The following NBEA variants were observed in gnomAD, a reference collection of about 807,000 sequenced individuals.
The protein encoded by NBEA is lysosomal-trafficking regulator 2.
NBEA carries 44 observed loss-of-function variants against 343.4 expected under a neutral mutation model. That is an observed-to-expected ratio of 0.13 (90% confidence interval 0.10 to 0.16). The LOEUF is 0.16. Among genes scored for constraint, NBEA ranks in the 10% least tolerant of loss-of-function variants. NBEA has a pLI of 1.00. For missense variants in NBEA, 2,555 were observed against 3,631.3 expected, an observed-to-expected ratio of 0.70 and a Z score of 7.62; for synonymous variants, 1,175 against 1,238.7, an observed-to-expected ratio of 0.95 and a Z score of 1.08.
chr13:35,314,187 A>G (rs2037559804), intron 36 of NBEA, among the ~76,000 whole-genome samples: 3 of 152,110 alleles, frequency 2.0e-5, no homozygotes, highest in African/African-American at 7.2e-5. Flanking sequence ...TGCTGAGAAT[A>G]AAAGGAATTG....
intron 38 of NBEA, among the ~76,000 whole-genome samples, chr13:35,428,706 G>T (rs1194652594): frequency 6.6e-6 from 1 of 151,872 alleles, no homozygotes; most frequent in African/African-American, 2.4e-5. Flanking sequence ...CTGCCATTTC[G>T]ATGTTGGCAT....
At chr13:35,199,970 A>T (rs1479040555) in intron 31 of NBEA, among the ~76,000 whole-genome samples, 1 of 152,096 alleles carries the variant, frequency 6.6e-6, no homozygotes, top group Non-Finnish European at 1.5e-5. Context: ...CTCATGAAGT[A>T]TTAAAATGCT....
At chr13:35,067,390 CA>C (rs1314149635) in intron 8 of NBEA, among the ~76,000 whole-genome samples, 2 of 151,920 alleles carry the variant, frequency 1.3e-5, no homozygotes, top group African/African-American at 4.8e-5. Flanking sequence ...GTAATTAGTA[CA>C]AAATATATTC....
At chr13:34,981,998 C>T (rs187961006) in intron 1 of NBEA, among the ~76,000 whole-genome samples, 1 of 151,514 alleles carries the variant, frequency 6.6e-6, no homozygotes, top group Non-Finnish European at 1.5e-5. Flanking sequence ...GGTTTATCAA[C>T]ATTATTAATA....
At chr13:35,066,780 C>T (rs1359994548) in intron 8 of NBEA, among the ~76,000 whole-genome samples, 3 of 151,812 alleles carry the variant, frequency 2.0e-5, no homozygotes, top group Admixed American at 6.6e-5. Context: ...ATGTGATTAT[C>T]GATAATTAGG....
intron 38 of NBEA, among the ~76,000 whole-genome samples, chr13:35,358,570 T>C (rs1310871142): frequency 6.6e-6 from 1 of 151,670 alleles, no homozygotes; most frequent in African/African-American, 2.4e-5. Flanking sequence ...ATATAAAAAT[T>C]AGCTGGGCAT....
At chr13:35,378,989 A>G (rs1230304402) in intron 38 of NBEA, among the ~76,000 whole-genome samples, 1 of 152,090 alleles carries the variant, frequency 6.6e-6, no homozygotes, top group Non-Finnish European at 1.5e-5. Flanking sequence ...TCATTGCTAT[A>G]TAGTAGTCCA....
intron 41 of NBEA, among the ~76,000 whole-genome samples, chr13:35,502,130 G>A (rs1222552433): frequency 6.6e-6 from 1 of 152,072 alleles, no homozygotes; most frequent in South Asian, 2.1e-4. Flanking sequence ...GTAAACTTAC[G>A]ACTGTGAATG....
chr13:35,308,502 A>ATATATATG (rs2037097955), intron 35 of NBEA, among the ~76,000 whole-genome samples: 1 of 93,264 alleles, frequency 1.1e-5, no homozygotes, highest in African/African-American at 4.8e-5. Flanking sequence ...ATATATGTGT[A>ATATATATG]TATATATATG....
intron 1 of NBEA, among the ~76,000 whole-genome samples, chr13:34,983,632 T>C (rs1261379884): frequency 5.3e-5 from 8 of 152,164 alleles, no homozygotes. Context: ...GTTTACACTC[T>C]CACCAACAGT....
At chr13:35,653,305 T>C (rs1352995274) in intron 53 of NBEA, among the ~76,000 whole-genome samples, 4 of 149,358 alleles carry the variant, frequency 2.7e-5, no homozygotes, top group Middle Eastern at 3.6e-3. Context: ...CATATTAAAG[T>C]CAAGGTGTTT....
chr13:35,092,561 A>G (rs1369597851), intron 10 of NBEA, among the ~76,000 whole-genome samples: 2 of 152,002 alleles, frequency 1.3e-5, no homozygotes, highest in African/African-American at 4.8e-5. Flanking sequence ...AAAAGAGTAG[A>G]CACTTTACCA....
intron 8 of NBEA, among the ~76,000 whole-genome samples, chr13:35,062,637 C>T (rs1329437534): frequency 1.3e-5 from 2 of 151,708 alleles, no homozygotes; most frequent in African/African-American, 4.8e-5. Context: ...ATTTGAATAT[C>T]TGTACACATC....
intron 34 of NBEA, among the ~76,000 whole-genome samples, chr13:35,234,401 A>G (rs1477574535): frequency 6.6e-6 from 1 of 152,190 alleles, no homozygotes; most frequent in African/African-American, 2.4e-5. Flanking sequence ...TTTGTTCTAG[A>G]TGTGTATGAT....
At chr13:35,061,553 T>C (rs1327341881) in intron 8 of NBEA, among the ~76,000 whole-genome samples, 2 of 151,796 alleles carry the variant, frequency 1.3e-5, no homozygotes, top group African/African-American at 4.8e-5. Context: ...AGTGTTATGT[T>C]AACCCTGTGT....
Position 35,672,378 on chromosome 13 carries a change from ATTAT to A in NBEA, c.*1393_*1396del, listed in dbSNP as rs1442082934. On this transcript the variant is annotated 3_prime_UTR_variant, in exon 59 of 59. Coordinates refer to ENST00000379939, the MANE Select transcript of NBEA (RefSeq NM_001385012.1). Reference sequence around the variant, plus strand: ...TGGCACTTTGCACCAGAAACATATCATTATTTATTGATGTGATTACTTATTTGTT... The same window carrying A: ...TGGCACTTTGCACCAGAAACATATCATTATTGATGTGATTACTTATTTGTT... 6.6e-6 allele frequency: 1 copy of A among 152,666 alleles called. No homozygotes were observed. The highest frequency in any genetic ancestry group is 2.4e-5 in the African/African-American group (1 of 41,454). The allele number at this position is 152,666 out of a possible 1,614,324, so 9.5% of individuals were successfully genotyped here. A position where few individuals can be genotyped will look rare whatever the true frequency, so the allele number is the denominator to read the frequency against.
intron 46 of NBEA, among the ~76,000 whole-genome samples, chr13:35,592,831 G>A (rs145671008): frequency 2.0e-5 from 3 of 148,070 alleles, no homozygotes; most frequent in African/African-American, 7.5e-5. Context: ...AGACCATAAG[G>A]TAGTACTAAT....
chr13:35,358,954 A>C (rs1453157053), intron 38 of NBEA, among the ~76,000 whole-genome samples: 1 of 152,156 alleles, frequency 6.6e-6, no homozygotes, highest in Non-Finnish European at 1.5e-5. Flanking sequence ...TGGGCTTGAA[A>C]AACAGAATGA....
intron 41 of NBEA, among the ~76,000 whole-genome samples, chr13:35,524,084 G>C (rs1761136092): frequency 6.6e-6 from 1 of 152,086 alleles, no homozygotes; most frequent in South Asian, 2.1e-4. Flanking sequence ...TAACCCAAAT[G>C]AATCTAATTG....
Sources: gnomAD v4.1 joint callset for allele counts (sites outside exome capture counted in the v4.1 genomes callset) on GRCh38, gnomAD v4.1.1 for gene constraint, MANE v1.5 for transcripts, NCBI Gene and HGNC (gene_info 2026-07-23, HGNC 2026-07-21) for gene names.